The following KSR2 variants were observed in gnomAD, a reference collection of about 807,000 sequenced individuals.
KSR2 encodes the protein kinase suppressor of ras 2.
Under a neutral mutation model 107.8 loss-of-function variants are expected in KSR2, and 25 were observed. The ratio of observed to expected loss-of-function variants is 0.23; its 90% CI spans 0.17 to 0.32. The LOEUF (loss-of-function observed/expected upper bound fraction) is 0.32, where lower values mean the gene tolerates loss of function less well. Ranked by LOEUF, KSR2 falls within the 10% of genes least tolerant of loss-of-function variation. The pLI, the probability that KSR2 is intolerant of heterozygous loss-of-function variation, is 1.00. For synonymous variants in KSR2, 480 were observed against 507.0 expected, an observed-to-expected ratio of 0.95 and a Z score of 0.71; for missense variants, 887 against 1,268.9, an observed-to-expected ratio of 0.70 and a Z score of 4.57.
At chr12:117,795,559 G>A (rs142221094) in intron 3 of KSR2, among the ~76,000 whole-genome samples, 15 of 152,298 alleles carry the variant, frequency 9.8e-5, no homozygotes, top group African/African-American at 3.4e-4. Context: ...CCTCCAAGAT[G>A]CAGGAAAGAG....
intron 1 of KSR2, among the ~76,000 whole-genome samples, chr12:117,913,910 T>C (rs1398108757): frequency 1.3e-5 from 2 of 152,152 alleles, no homozygotes. Flanking sequence ...TCTGCCCACA[T>C]TGAATCCAGC....
chr12:117,902,218 G>A (rs968584672), intron 1 of KSR2, among the ~76,000 whole-genome samples: 1 of 152,178 alleles, frequency 6.6e-6, no homozygotes, highest in Non-Finnish European at 1.5e-5. Flanking sequence ...CAGAACTTTG[G>A]GAGGCCAAGG....
At chr12:117,469,270 G>A (rs534796491) in intron 19 of KSR2, among the ~76,000 whole-genome samples, 13 of 152,334 alleles carry the variant, frequency 8.5e-5, no homozygotes, top group East Asian at 7.7e-4. Context: ...ACAGGGGCAG[G>A]CTGCTGGCTC....
chr12:117,866,584 C>T (rs1272000320), intron 1 of KSR2, among the ~76,000 whole-genome samples: 1 of 152,166 alleles, frequency 6.6e-6, no homozygotes, highest in Non-Finnish European at 1.5e-5. Context: ...AATCCCAGCA[C>T]GCTGGGAGGC....
chr12:117,672,062 C>T (rs554907855), intron 4 of KSR2, among the ~76,000 whole-genome samples: 2 of 152,242 alleles, frequency 1.3e-5, no homozygotes, highest in East Asian at 1.9e-4. Context: ...GGGCCCACGG[C>T]GAGGACCAGC....
chr12:117,847,274 T>G (rs1892739749), intron 3 of KSR2, among the ~76,000 whole-genome samples: 1 of 152,224 alleles, frequency 6.6e-6, no homozygotes, highest in South Asian at 2.1e-4. Flanking sequence ...GACCGTACGG[T>G]GGCAGGCGGC....
intron 3 of KSR2, among the ~76,000 whole-genome samples, chr12:117,828,433 A>G (rs1462082951): frequency 1.3e-5 from 2 of 152,242 alleles, no homozygotes; most frequent in East Asian, 1.9e-4. Context: ...AGCCATACAA[A>G]TGGCTACCAA....
intron 4 of KSR2, among the ~76,000 whole-genome samples, chr12:117,735,290 A>T (rs565877654): frequency 1.8e-4 from 27 of 152,330 alleles, no homozygotes; most frequent in African/African-American, 4.8e-4. Flanking sequence ...CAGAAATGAC[A>T]CCACCCTCTA....
Position 117,484,354 on chromosome 12 carries a change from A to C in KSR2, c.2450+62T>G, listed in dbSNP as rs543994010. On this transcript the variant is annotated intron_variant, in intron 16 of 19. Transcript: ENST00000339824. ...TAGGTCACTAAAGCCATTTGGACTAACTTCCCACCTCCTGACCATCATCTG... is the reference window on the plus strand; with the variant it reads ...TAGGTCACTAAAGCCATTTGGACTACCTTCCCACCTCCTGACCATCATCTG... 8.4e-5 allele frequency: 133 copies of C among 1,592,662 alleles called. No individual in the cohort carries two copies. The South Asian group carries it at 1.5e-3, about 18-fold the overall frequency.
intron 18 of KSR2, among the ~76,000 whole-genome samples, chr12:117,470,000 T>TCATCCATC (rs571980532): frequency 6.6e-6 from 1 of 151,032 alleles, no homozygotes; most frequent in Non-Finnish European, 1.5e-5. Context: ...CTTCCATCCT[T>TCATCCATC]CATCCATCCA....
chr12:117,739,226 G>A (rs1003888988), intron 4 of KSR2, among the ~76,000 whole-genome samples: 1 of 151,670 alleles, frequency 6.6e-6, no homozygotes, highest in African/African-American at 2.4e-5. Context: ...GTGGTAGCGG[G>A]CGCCTGTAGT....
At chr12:117,598,829 G>GAA (rs879467129) in intron 5 of KSR2, among the ~76,000 whole-genome samples, 1 of 143,118 alleles carries the variant, frequency 7.0e-6, no homozygotes, top group African/African-American at 2.6e-5. Context: ...TTTCCCACAG[G>GAA]AAAAAAAAAA....
chr12:117,478,987 G>A (rs1871979471), intron 16 of KSR2, among the ~76,000 whole-genome samples: 1 of 152,178 alleles, frequency 6.6e-6, no homozygotes, highest in Non-Finnish European at 1.5e-5. Context: ...ACATCAACTT[G>A]CAGATCACAC....
At chr12:117,808,899 G>A (rs888842626) in intron 3 of KSR2, among the ~76,000 whole-genome samples, 1 of 152,168 alleles carries the variant, frequency 6.6e-6, no homozygotes, top group African/African-American at 2.4e-5. Context: ...GACATGGTCA[G>A]TAAGAACTCC....
chr12:117,913,812 C>G (rs934407190), intron 1 of KSR2, among the ~76,000 whole-genome samples: 7 of 152,010 alleles, frequency 4.6e-5, no homozygotes, highest in Admixed American at 2.6e-4. Flanking sequence ...TACAGCAGCC[C>G]TAGGAAATTA....
intron 4 of KSR2, among the ~76,000 whole-genome samples, chr12:117,712,236 T>C (rs1352945194): frequency 6.6e-6 from 1 of 152,198 alleles, no homozygotes; most frequent in East Asian, 1.9e-4. Context: ...AATAACAAGA[T>C]GCCTGCACGC....
At chr12:117,524,382 G>A (rs1874966855) in intron 14 of KSR2, among the ~76,000 whole-genome samples, 1 of 152,128 alleles carries the variant, frequency 6.6e-6, no homozygotes. Context: ...TATTTTCTGG[G>A]GTTAGGCGTG....
chr12:117,577,617 T>A (rs1417324457), intron 7 of KSR2, among the ~76,000 whole-genome samples: 1 of 152,018 alleles, frequency 6.6e-6, no homozygotes, highest in African/African-American at 2.4e-5. Context: ...GGCCTCACAA[T>A]CCCGGTGGAA....
chr12:117,637,777 G>A (rs570717109), intron 5 of KSR2, among the ~76,000 whole-genome samples: 2 of 138,176 alleles, frequency 1.4e-5, no homozygotes, highest in South Asian at 4.8e-4. Flanking sequence ...CACCTCCCAG[G>A]TTCAAGCAAT....
Sources: allele counts gnomAD v4.1 joint callset (sites outside exome capture counted in the v4.1 genomes callset), GRCh38; gene constraint gnomAD v4.1.1; transcripts MANE v1.5; gene names NCBI Gene and HGNC (gene_info 2026-07-23, HGNC 2026-07-21).